Variants in BIN2 observed in about 807,000 individuals in gnomAD.
BIN2 encodes the protein bridging integrator 2, also known as breast cancer associated protein BRAP1.
Under a neutral mutation model 67.9 loss-of-function variants are expected in BIN2, and 43 were observed. That is an observed-to-expected ratio of 0.63 (90% confidence interval 0.50 to 0.82). BIN2 has a LOEUF of 0.82. BIN2 is among the 40% of genes least tolerant of loss of function. The pLI is 0.00. For missense variants in BIN2, 581 were observed against 671.6 expected (o/e 0.87, Z 1.49); for synonymous variants, 244 against 246.8 (o/e 0.99, Z 0.11).
At position 51,286,354 on chromosome 12, in the gene BIN2, C is replaced by A. The variant is rs1945235901; in HGVS notation, c.1597-1567G>T. Among the ~76,000 whole-genome samples, 6 of 152,234 alleles carry A rather than the reference C, an allele frequency of 3.9e-5. No homozygotes were observed. In the South Asian group the frequency reaches 1.2e-3, roughly 32 times the overall value. On this transcript the variant is annotated intron_variant, in intron 11 of 12. Coordinates refer to ENST00000615107, the MANE Select transcript of BIN2 (RefSeq NM_016293.4). Reference sequence around the variant, plus strand: ...ATTTCTCCTTAGCTGATGACCAAAGCAATCCCACCAGAGAGGCTAAGAGTA... The same window carrying A: ...ATTTCTCCTTAGCTGATGACCAAAGAAATCCCACCAGAGAGGCTAAGAGTA...
intron 2 of BIN2, among the ~76,000 whole-genome samples, chr12:51,309,161 T>C (rs1204861954): frequency 2.0e-5 from 3 of 152,110 alleles, no homozygotes; most frequent in Admixed American, 6.6e-5. Context: ...CACTCACACC[T>C]GTAATCCCAG....
chr12:51,288,336 G>A (rs1029303521), intron 10 of BIN2, 148 bp from the exon 11 acceptor site: 31 of 608,540 alleles, frequency 5.1e-5, no homozygotes, highest in Non-Finnish European at 8.8e-6. Context: ...GTAGGGTGGT[G>A]TGATCTAACG....
chr12:51,302,126 G>A lies in BIN2; in HGVS notation c.313-11C>T, dbSNP rs764101151. ...AAGGAGATCATTATTCTGTAGGATAGAGTCAGAGGCTGGTGAAGGCTCCAC... is the reference window on the plus strand; with the variant it reads ...AAGGAGATCATTATTCTGTAGGATAAAGTCAGAGGCTGGTGAAGGCTCCAC... On this transcript the variant is annotated splice_polypyrimidine_tract_variant and intron_variant, in intron 4 of 12. Coordinates refer to ENST00000615107, the MANE Select transcript of BIN2 (RefSeq NM_016293.4). The A allele has an allele frequency of 6.3e-5, 100 of 1,592,906 alleles. No individual in the cohort carries two copies. The highest frequency in any genetic ancestry group is 7.9e-5 in the Non-Finnish European group (92 of 1,161,276).
rs772176957 is a variant in BIN2, at chr12:51,292,052, T to C, written c.1054A>G (p.Thr352Ala). 2 of 1,613,972 alleles carry C rather than the reference T, an allele frequency of 1.2e-6. No individual in the cohort carries two copies. Among genetic ancestry groups the C allele is most frequent in the Non-Finnish European group, 1.7e-6 (2 of 1,179,920 alleles). ...TCCTCCTGGGACTTGGCCCTTTCAGTGGTAGGAGAGGGCTGGGCCTGGGCG... is the reference window on the plus strand; with the variant it reads ...TCCTCCTGGGACTTGGCCCTTTCAGCGGTAGGAGAGGGCTGGGCCTGGGCG... ...GPAQAQPSPTTERAKSQEEVL... is the reference protein window; with the variant it reads ...GPAQAQPSPTAERAKSQEEVL... The change falls in exon 10 of 13, where the codon ACT becomes GCT. Residue 352 changes from threonine (T) to alanine (A), a missense_variant. By Grantham distance (58) the Thr-to-Ala change is moderately conservative. Transcript: ENST00000615107.
intron 6 of BIN2, 141 bp from the exon 7 acceptor site, chr12:51,299,429 G>T: frequency 3.0e-6 from 3 of 987,342 alleles, no homozygotes; most frequent in Non-Finnish European, 3.1e-6. Context: ...GCCCTCCCCA[G>T]CCTCAAGACT....
At chr12:51,282,403 T>C (rs1446407110) in intron 12 of BIN2, among the ~76,000 whole-genome samples, 3 of 152,164 alleles carry the variant, frequency 2.0e-5, no homozygotes, top group Non-Finnish European at 2.9e-5. Flanking sequence ...ATTGTTAACA[T>C]TGTAGCCTTT....
At chr12:51,307,141 G>A (rs9788096) in intron 2 of BIN2, among the ~76,000 whole-genome samples, 28,217 of 151,314 alleles carry the variant, frequency 0.19, 2,752 homozygotes, top group South Asian at 0.24. Flanking sequence ...AAATTAGCTG[G>A]GTGTGGTGGC....
At chr12:51,299,094 C>CG (rs372737624) in intron 7 of BIN2, 109 bp downstream of exon 7, 3,684 of 256,228 alleles carry the variant, frequency 0.014, 12 homozygotes, top group Non-Finnish European at 0.02. Context: ...AAAAAGGGGG[C>CG]GGGGCAGTGT....
At chr12:51,301,951 T>C (rs1224135480) in intron 5 of BIN2, 69 bp downstream of exon 5, 2 of 1,095,990 alleles carry the variant, frequency 1.8e-6, no homozygotes, top group Middle Eastern at 2.0e-4. Flanking sequence ...CTTATAATGC[T>C]TAACCCAATA....
intron 2 of BIN2, among the ~76,000 whole-genome samples, chr12:51,309,814 C>T (rs572452419): frequency 2.6e-5 from 4 of 152,276 alleles, no homozygotes; most frequent in Admixed American, 6.5e-5. Flanking sequence ...TTCCTGATGG[C>T]GCTTCTTCTT....
At position 51,292,070 on chromosome 12, in the gene BIN2, C is replaced by A. The variant is rs759882503; in HGVS notation, c.1036G>T (p.Ala346Ser). ...CTTTCAGTGGTAGGAGAGGGCTGGGCCTGGGCGGGGCCATTGCAGGCTGGT... is the reference window on the plus strand; with the variant it reads ...CTTTCAGTGGTAGGAGAGGGCTGGGACTGGGCGGGGCCATTGCAGGCTGGT... ...PLPACNGPAQ[A>S]QPSPTTERAK... is the part of the protein sequence containing the mutation. The change falls in exon 10 of 13, where the codon GCC (alanine) becomes TCC (serine). Residue 346 changes from alanine to serine, a missense_variant. Ala to Ser is a moderately conservative substitution (Grantham distance 99). Transcript: ENST00000615107. 7.4e-6 allele frequency: 12 copies of A among 1,613,980 alleles called. No individual in the cohort carries two copies. Among genetic ancestry groups the A allele is most frequent in the Non-Finnish European group, 1.0e-5 (12 of 1,179,992 alleles).
intron 4 of BIN2, 78 bp downstream of exon 4, chr12:51,302,608 G>C (rs1945756615): frequency 3.3e-6 from 4 of 1,223,272 alleles, no homozygotes; most frequent in Non-Finnish European, 4.8e-6. Flanking sequence ...CTATTTTCTT[G>C]GATAGAGAAG....
chr12:51,287,270 C>T (rs1049008284), intron 11 of BIN2, among the ~76,000 whole-genome samples: 1 of 152,086 alleles, frequency 6.6e-6, no homozygotes, highest in Non-Finnish European at 1.5e-5. Context: ...CCCGCCTCAG[C>T]ATCCTGAGTA....
Position 51,292,298 on chromosome 12 carries a change from T to C in BIN2, c.808A>G (p.Thr270Ala). Residue 270 changes from threonine to alanine, a missense_variant, in exon 10 of 13, where the codon ACA becomes GCA. By Grantham distance (58) the Thr-to-Ala change is moderately conservative (BLOSUM62 0). Coordinates refer to ENST00000615107, the MANE Select transcript of BIN2 (RefSeq NM_016293.4). ...GGTGAGGTAAGAGGACTGGAGACTG[T>C]AGCTGTTCGAACTGGGGGAGAAATG... ...LVISPPVRTA[T>A]VSSPLTSPTS... is the part of the protein sequence containing the mutation. The C allele has an allele frequency of 1.3e-6, 2 of 1,598,460 alleles. No individual in the cohort carries two copies. The highest frequency in any genetic ancestry group is 1.3e-5 in the African/African-American group (1 of 74,970).
At chr12:51,296,416 G>C (rs995016197) in intron 8 of BIN2, among the ~76,000 whole-genome samples, 1 of 151,422 alleles carries the variant, frequency 6.6e-6, no homozygotes, top group Non-Finnish European at 1.5e-5. Flanking sequence ...AGAATGGCGT[G>C]AACCTGGGAG....
intron 11 of BIN2, among the ~76,000 whole-genome samples, chr12:51,286,322 G>GA (rs1945234907): frequency 6.6e-6 from 1 of 152,096 alleles, no homozygotes; most frequent in Admixed American, 6.6e-5. Flanking sequence ...AATTCTACAG[G>GA]AAAAATATTT....
At chr12:51,315,475 T>C (rs1021819929) in intron 1 of BIN2, among the ~76,000 whole-genome samples, 6 of 152,180 alleles carry the variant, frequency 3.9e-5, no homozygotes, top group African/African-American at 1.4e-4. Context: ...CCCGGCCTGT[T>C]ATTAATATTT....
intron 12 of BIN2, among the ~76,000 whole-genome samples, chr12:51,283,206 G>C (rs12825472): frequency 6.7e-6 from 1 of 148,866 alleles, no homozygotes; most frequent in African/African-American, 2.5e-5. Flanking sequence ...GCAGTGAGCC[G>C]AGATTGCACC....
chr12:51,320,192 C>T (rs924262730), intron 1 of BIN2, among the ~76,000 whole-genome samples: 3 of 151,888 alleles, frequency 2.0e-5, no homozygotes, highest in African/African-American at 7.3e-5. Flanking sequence ...CATTGGCCAG[C>T]CTGGTCTCGA....
Sources: allele counts gnomAD v4.1 joint callset (sites outside exome capture counted in the v4.1 genomes callset), GRCh38; gene constraint gnomAD v4.1.1; transcripts MANE v1.5; gene names NCBI Gene and HGNC (gene_info 2026-07-23, HGNC 2026-07-21).